HHAT: variants seen among roughly 807,000 people sequenced by gnomAD.
HHAT encodes the protein protein-cysteine N-palmitoyltransferase HHAT.
A neutral mutation model predicts 70.8 loss-of-function variants in HHAT; 47 were observed. The observed-to-expected ratio is 0.66, with a 90% CI of 0.53 to 0.85. The LOEUF (loss-of-function observed/expected upper bound fraction) is 0.85. Ranked by LOEUF, HHAT falls within the 40% of genes least tolerant of loss-of-function variation. HHAT has a pLI of 0.00. For synonymous variants in HHAT, 228 were observed against 247.6 expected (o/e 0.92, Z 0.74); for missense variants, 609 against 604.8 (o/e 1.01, Z -0.07).
intron 9 of HHAT, among the ~76,000 whole-genome samples, chr1:210,521,540 T>C (rs1168118809): frequency 6.6e-6 from 1 of 152,226 alleles, no homozygotes; most frequent in Non-Finnish European, 1.5e-5. Flanking sequence ...GCTTTCTTTA[T>C]ATTGGATACC....
chr1:210,563,112 T>C (rs1482502591), intron 9 of HHAT, among the ~76,000 whole-genome samples: 1 of 152,134 alleles, frequency 6.6e-6, no homozygotes, highest in Non-Finnish European at 1.5e-5. Context: ...CACTATACTT[T>C]GAGGCCTCTC....
At chr1:210,496,663 T>C (rs2094649846) in intron 8 of HHAT, among the ~76,000 whole-genome samples, 1 of 152,196 alleles carries the variant, frequency 6.6e-6, no homozygotes, top group African/African-American at 2.4e-5. Context: ...TGTGCACCAT[T>C]AGGCAGAGGT....
chr1:210,433,467 A>G (rs1572405196), intron 7 of HHAT, among the ~76,000 whole-genome samples: 1 of 151,906 alleles, frequency 6.6e-6, no homozygotes, highest in Non-Finnish European at 1.5e-5. Context: ...GAGAATATAA[A>G]TAGAGGTTGT....
At chr1:210,529,351 T>A (rs918846943) in intron 9 of HHAT, among the ~76,000 whole-genome samples, 26 of 151,348 alleles carry the variant, frequency 1.7e-4, no homozygotes, top group African/African-American at 6.1e-4. Flanking sequence ...GGGATATTTG[T>A]TGTTAAGCTG....
At chr1:210,592,444 A>G (rs936066682) in intron 10 of HHAT, among the ~76,000 whole-genome samples, 1 of 152,008 alleles carries the variant, frequency 6.6e-6, no homozygotes, top group African/African-American at 2.4e-5. Flanking sequence ...GCTTTGTCGT[A>G]TATTTTGAAG....
chr1:210,511,838 G>A (rs1473667233), intron 8 of HHAT, among the ~76,000 whole-genome samples: 8 of 137,432 alleles, frequency 5.8e-5, no homozygotes, highest in African/African-American at 2.2e-4. Flanking sequence ...CGCCCAGGCT[G>A]GAGTGCAGTG....
chr1:210,360,314 T>G (rs567785570), intron 2 of HHAT, among the ~76,000 whole-genome samples: 13 of 151,432 alleles, frequency 8.6e-5, no homozygotes, highest in East Asian at 3.9e-4. Flanking sequence ...GTTTTTTTTT[T>G]TTTGTTTTGT....
chr1:210,672,351 T>G (rs1158380358), intron 11 of HHAT, among the ~76,000 whole-genome samples: 1 of 152,228 alleles, frequency 6.6e-6, no homozygotes, highest in Non-Finnish European at 1.5e-5. Flanking sequence ...TACCACTGTC[T>G]GTCTGCCTGC....
At chr1:210,397,131 G>T (rs79472043) in intron 4 of HHAT, among the ~76,000 whole-genome samples, 1 of 152,148 alleles carries the variant, frequency 6.6e-6, no homozygotes, top group African/African-American at 2.4e-5. Flanking sequence ...TGTGCCATAG[G>T]AAGAAACTGG....
At chr1:210,567,367 C>G (rs1204989603) in intron 9 of HHAT, among the ~76,000 whole-genome samples, 1 of 152,162 alleles carries the variant, frequency 6.6e-6, no homozygotes, top group Non-Finnish European at 1.5e-5. Flanking sequence ...AGTAAGTAAC[C>G]TCTCTGAGCT....
intron 4 of HHAT, among the ~76,000 whole-genome samples, chr1:210,398,349 C>T (rs2091903052): frequency 6.6e-6 from 1 of 152,100 alleles, no homozygotes. Flanking sequence ...GAACATGAGG[C>T]TCATGTGAGA....
chr1:210,651,391 G>A (rs12401932), intron 11 of HHAT, among the ~76,000 whole-genome samples: 5,610 of 152,272 alleles, frequency 0.037, 233 homozygotes, highest in African/African-American at 0.094. Context: ...GGGACACTGA[G>A]GCATCCCAGA....
chr1:210,454,002 A>G (rs1050773124), intron 7 of HHAT, among the ~76,000 whole-genome samples: 1 of 152,182 alleles, frequency 6.6e-6, no homozygotes, highest in African/African-American at 2.4e-5. Context: ...GGCGGTGACA[A>G]GAGAGAAATG....
At chr1:210,382,125 A>T (rs1172529475) in intron 3 of HHAT, among the ~76,000 whole-genome samples, 2 of 152,246 alleles carry the variant, frequency 1.3e-5, no homozygotes, top group Non-Finnish European at 2.9e-5. Flanking sequence ...ATTCAAGGCT[A>T]GAAGGAGGAA....
In HHAT at chr1:210,558,933, G is replaced by A. The variant is rs147132885; in HGVS notation, c.1044-28965G>A. Among the ~76,000 whole-genome samples the A allele has an allele frequency of 4.4e-3, 667 of 152,280 alleles. 2 individuals are homozygous for A. Among genetic ancestry groups the A allele is most frequent in the African/African-American group, 0.014 (574 of 41,570 alleles). ...ATGAGGTCCTGTCTGGAGTAGTGAG[G>A]AGACTGTGCTTCTAAAGTTTCTGTT... On this transcript the variant is annotated intron_variant, in intron 9 of 11. Transcript: ENST00000261458.
In HHAT at chr1:210,587,903, T is replaced by A. The variant is rs529893253; in HGVS notation, c.1049T>A (p.Val350Glu). ...ACAGCCTCTTCTTTCTCTAGGTATG[T>A]GTACATTCCAGTGGGCGGGTCCCAG... ...VGLHNFLIRY[V>E]YIPVGGSQHG... is the part of the protein sequence containing the mutation. Residue 350 changes from valine (V) to glutamate (E), a missense_variant, in exon 10 of 12, where the codon GTG (valine) becomes GAG (glutamate). Coordinates refer to ENST00000261458, the MANE Select transcript of HHAT (RefSeq NM_018194.6). 5.0e-6 allele frequency: 8 copies of A among 1,613,666 alleles called. No individual in the cohort carries two copies. The East Asian group carries it at 1.8e-4, about 36-fold the overall frequency.
chr1:210,403,811 T>G (rs2092198404), intron 5 of HHAT, among the ~76,000 whole-genome samples: 1 of 152,240 alleles, frequency 6.6e-6, no homozygotes, highest in Admixed American at 6.5e-5. Context: ...TTGTATTTCC[T>G]TCTCATTTTT....
chr1:210,591,567 A>G (rs1047667926), intron 10 of HHAT, among the ~76,000 whole-genome samples: 6 of 152,110 alleles, frequency 3.9e-5, no homozygotes, highest in African/African-American at 1.4e-4. Flanking sequence ...ATCCCAAGCC[A>G]TAGGACTGCT....
At chr1:210,514,425 G>T (rs992106581) in intron 9 of HHAT, among the ~76,000 whole-genome samples, 14 of 152,198 alleles carry the variant, frequency 9.2e-5, no homozygotes, top group African/African-American at 2.7e-4. Context: ...TTCCATATTT[G>T]AACTGATCAG....
Sources: gnomAD v4.1 joint callset for allele counts (sites outside exome capture counted in the v4.1 genomes callset) on GRCh38, gnomAD v4.1.1 for gene constraint, MANE v1.5 for transcripts, NCBI Gene and HGNC (gene_info 2026-07-23, HGNC 2026-07-21) for gene names.